The following TULP3 variants were observed in gnomAD, a reference collection of about 807,000 sequenced individuals.
The protein encoded by TULP3 is TUB like protein 3.
In TULP3, 38 loss-of-function variants were observed where a neutral mutation model predicts 50.7. The ratio of observed to expected loss-of-function variants is 0.75; its 90% CI spans 0.58 to 0.98. The LOEUF (loss-of-function observed/expected upper bound fraction) is 0.98, where lower values mean the gene tolerates loss of function less well. Among genes scored for constraint, TULP3 ranks in the 50% least tolerant of loss-of-function variants. TULP3 has a pLI of 0.00. For synonymous variants in TULP3, 183 were observed against 196.6 expected (o/e 0.93, Z 0.58); for missense variants, 550 against 568.0 (o/e 0.97, Z 0.32).
chr12:2,895,943 C>CTTT (rs3056915), intron 1 of TULP3, among the ~76,000 whole-genome samples: 2,883 of 145,334 alleles, frequency 0.02, 46 homozygotes, highest in Middle Eastern at 0.058. Context: ...AGTGAGAATA[C>CTTT]TTTTTTTTTT....
At chr12:2,920,664 T>C in intron 2 of TULP3, 99 bp from the exon 3 acceptor site, 1 of 1,399,812 alleles carries the variant, frequency 7.1e-7, no homozygotes, top group Non-Finnish European at 9.8e-7. Context: ...ATTTACAAGA[T>C]GTTTTGTGAG....
chr12:2,933,656 G>GA, intron 7 of TULP3, 126 bp downstream of exon 7: 4 of 507,790 alleles, frequency 7.9e-6, no homozygotes, highest in Non-Finnish European at 1.3e-5. Flanking sequence ...AAAAGAAAAA[G>GA]GAAAAAAAAA....
chr12:2,923,743 G>A lies in TULP3; in HGVS notation c.394+1341G>A, dbSNP rs1412803319. Reference sequence around the variant, plus strand: ...TCCTAACACTCTGGGAGGCTGAGGCGGGCAGATCACTTGAGTCCAAGGGTT... The same window carrying A: ...TCCTAACACTCTGGGAGGCTGAGGCAGGCAGATCACTTGAGTCCAAGGGTT... On this transcript the variant is annotated intron_variant, in intron 4 of 10. Transcript: ENST00000448120. Among the ~76,000 whole-genome samples the A allele has an allele frequency of 3.9e-5, 6 of 151,960 alleles. 1 individual carries two copies. Among genetic ancestry groups the A allele is most frequent in the South Asian group, 4.2e-4 (2 of 4,814 alleles).
chr12:2,925,759 A>G (rs540055944), intron 4 of TULP3, among the ~76,000 whole-genome samples: 86 of 152,308 alleles, frequency 5.6e-4, no homozygotes, highest in African/African-American at 2.0e-3. Context: ...ATTTAACCAA[A>G]GCTAAATTAC....
At chr12:2,931,516 A>G (rs1486777244) in intron 6 of TULP3, among the ~76,000 whole-genome samples, 2 of 152,202 alleles carry the variant, frequency 1.3e-5, no homozygotes, top group Non-Finnish European at 2.9e-5. Flanking sequence ...CCTGTCTCCC[A>G]TGATTGAGTT....
In TULP3 at chr12:2,920,834, C is replaced by G; in HGVS notation, c.165C>G (p.Ala55=). The change falls in exon 3 of 11, where the codon GCC becomes GCG. Residue 55 remains alanine (A), a synonymous_variant. Transcript: ENST00000448120. ...TTATGGTGCAGCCCAATCCAGAAGC[C>G]AGGCTACGTCGGGCAAAGCCAAGGG... ...EPFMVQPNPE[A]RLRRAKPRAS... is the part of the protein sequence containing the mutation. 6.2e-7 allele frequency: 1 copy of G among 1,614,148 alleles called. No individual in the cohort carries two copies.
At chr12:2,893,052 G>A (rs2098173153) in intron 1 of TULP3, among the ~76,000 whole-genome samples, 2 of 151,510 alleles carry the variant, frequency 1.3e-5, no homozygotes, top group Admixed American at 1.3e-4. Flanking sequence ...TTTTTGTAGA[G>A]GTGGGGTTTC....
Position 2,938,262 on chromosome 12 carries a change from TC to T in TULP3, c.1174del (p.Gln392ArgfsTer2). ...GRVTQASVKN[F>X]QIVHKNDPDY... ...GTCACTCAGGCGTCTGTGAAGAACTTCCAGATAGTCCACAAAAATGACCGTA... is the reference window on the plus strand; with the variant it reads ...GTCACTCAGGCGTCTGTGAAGAACTTCAGATAGTCCACAAAAATGACCGTA... On this transcript the variant is annotated frameshift_variant, in exon 10 of 11. Coordinates refer to ENST00000448120, the MANE Select transcript of TULP3 (RefSeq NM_003324.5). LOFTEE classifies it high-confidence loss of function. 3.1e-6 allele frequency: 5 copies of T among 1,614,050 alleles called. No individual in the cohort carries two copies. The highest frequency in any genetic ancestry group is 4.2e-6 in the Non-Finnish European group (5 of 1,179,994).
In TULP3 at chr12:2,891,011, C is replaced by G. The variant is rs201035893; in HGVS notation, c.41+23C>G. ...CAGGTCAGACAGGGCCGTGGCAGGT[C>G]TCCTCCTGAGCGAGGCGGAGGGGCG... On this transcript the variant is annotated intron_variant, in intron 1 of 10. Transcript: ENST00000448120. 1.9e-6 allele frequency: 3 copies of G among 1,569,182 alleles called. No individual in the cohort carries two copies. In the African/African-American group the frequency reaches 4.1e-5, roughly 21 times the overall value.
intron 1 of TULP3, among the ~76,000 whole-genome samples, chr12:2,893,331 T>TTTTG (rs1555110463): frequency 1.3e-5 from 2 of 150,188 alleles, no homozygotes; most frequent in East Asian, 1.9e-4. Flanking sequence ...TAATGTGTTT[T>TTTTG]TTTTTTTTTT....
chr12:2,934,107 G>T (rs1228821156), intron 7 of TULP3, among the ~76,000 whole-genome samples: 1 of 152,040 alleles, frequency 6.6e-6, no homozygotes, highest in Non-Finnish European at 1.5e-5. Flanking sequence ...AATTAGCCAG[G>T]CGTGGCAGTT....
intron 2 of TULP3, among the ~76,000 whole-genome samples, chr12:2,917,471 C>CAA (rs111993395): frequency 7.5e-6 from 1 of 133,696 alleles, no homozygotes; most frequent in Non-Finnish European, 1.6e-5. Context: ...GACTCTGTCT[C>CAA]AAAAAAAAAA....
At position 2,911,930 on chromosome 12, in the gene TULP3, T is replaced by C. The variant is rs888281096; in HGVS notation, c.93+2350T>C. On this transcript the variant is annotated intron_variant, in intron 2 of 10. Coordinates refer to ENST00000448120, the MANE Select transcript of TULP3 (RefSeq NM_003324.5). ...CTTGACCTCAAGTGTTTTAGTTCAG[T>C]CTGGGCAACACAGCAAGACACCACC... is the stretch of plus-strand genomic sequence containing the variant. Among the ~76,000 whole-genome samples the C allele has an allele frequency of 5.9e-5, 9 of 151,384 alleles. No individual in the cohort carries two copies. The Admixed American group carries it at 6.0e-4, about 10-fold the overall frequency.
At chr12:2,929,586 C>T (rs1286313955) in intron 4 of TULP3, among the ~76,000 whole-genome samples, 1 of 152,018 alleles carries the variant, frequency 6.6e-6, no homozygotes, top group Non-Finnish European at 1.5e-5. Context: ...CTGTGCCCTG[C>T]CTAAATTTTT....
At chr12:2,930,140 G>T in intron 4 of TULP3, 108 bp from the exon 5 acceptor site, 1 of 748,488 alleles carries the variant, frequency 1.3e-6, no homozygotes, top group Non-Finnish European at 2.1e-6. Context: ...TGTGTTTACG[G>T]TCAGAATAGT....
In TULP3 at chr12:2,890,911, G is replaced by C. The variant is rs2098171379; in HGVS notation, c.-37G>C. 4 of 1,566,038 alleles carry C rather than the reference G, an allele frequency of 2.6e-6. No individual in the cohort carries two copies. The highest frequency in any genetic ancestry group is 4.8e-5 in the East Asian group (2 of 41,632). On this transcript the variant is annotated 5_prime_UTR_variant, in exon 1 of 11. Coordinates refer to ENST00000448120, the MANE Select transcript of TULP3 (RefSeq NM_003324.5). ...TAGCCACTCTAGCGACGGCGGGGAA[G>C]AGTGTGTACGTGGTGGGGGCTTCCT...
At chr12:2,893,268 A>G (rs1047053290) in intron 1 of TULP3, among the ~76,000 whole-genome samples, 3 of 151,304 alleles carry the variant, frequency 2.0e-5, no homozygotes, top group African/African-American at 7.3e-5. Context: ...CTCATTTGTT[A>G]CTAAGAGGGA....
chr12:2,924,170 C>T (rs938313601), intron 4 of TULP3, among the ~76,000 whole-genome samples: 9 of 152,108 alleles, frequency 5.9e-5, no homozygotes, highest in African/African-American at 1.4e-4. Flanking sequence ...GAGAGCCTGA[C>T]GCCTCACTCC....
At position 2,938,000 on chromosome 12, in the gene TULP3, ATTC is replaced by A. The variant is rs1015323601; in HGVS notation, c.1024-110_1024-108del. ...AAACCTGTCTTCATTGTTGGCTTTC[ATTC>A]TTCGCTTCTGGTTTACCCTTTCTGA... On this transcript the variant is annotated intron_variant, in intron 9 of 10. Transcript: ENST00000448120. The A allele has an allele frequency of 4.2e-6, 5 of 1,204,450 alleles. No homozygotes were observed. The African/African-American group carries it at 7.6e-5, about 18-fold the overall frequency. 74.6% of individuals were successfully genotyped at this position (1,204,450 alleles called of 1,614,324 possible). A position where few individuals can be genotyped will look rare whatever the true frequency, so the allele number is the denominator to read the frequency against.
Sources: gnomAD v4.1 joint callset for allele counts (sites outside exome capture counted in the v4.1 genomes callset) on GRCh38, gnomAD v4.1.1 for gene constraint, MANE v1.5 for transcripts, NCBI Gene and HGNC (gene_info 2026-07-23, HGNC 2026-07-21) for gene names.